CACNB1: variants seen among roughly 807,000 people sequenced by gnomAD.
CACNB1 encodes voltage-dependent L-type calcium channel subunit beta-1.
A neutral mutation model predicts 71.6 loss-of-function variants in CACNB1; 29 were observed. The ratio of observed to expected loss-of-function variants is 0.40; its 90% CI spans 0.30 to 0.55. CACNB1 has a LOEUF of 0.55. Among genes scored for constraint, CACNB1 ranks in the 20% least tolerant of loss-of-function variants. The probability of loss-of-function intolerance (pLI) is 0.38; values close to 1 mark genes in which losing one functional copy is unlikely to be tolerated. For synonymous variants in CACNB1, 300 were observed against 319.6 expected, an observed-to-expected ratio of 0.94 and a Z score of 0.65; for missense variants, 623 against 801.8, an observed-to-expected ratio of 0.78 and a Z score of 2.69.
At chr17:39,183,368 G>GAAGAAGAAGAAGAAGAAGAAGAAGAAGA (rs1433401577) in intron 11 of CACNB1, among the ~76,000 whole-genome samples, 1 of 143,766 alleles carries the variant, frequency 7.0e-6, no homozygotes, top group Non-Finnish European at 1.5e-5. Flanking sequence ...GAAGAAGAAA[G>GAAGAAGAAGAAGAAGAAGAAGAAGAAGA]GAAAGACCTC....
At chr17:39,180,053 T>C (rs1175867287) in intron 11 of CACNB1, among the ~76,000 whole-genome samples, 1 of 151,092 alleles carries the variant, frequency 6.6e-6, no homozygotes, top group East Asian at 2.0e-4. Flanking sequence ...TCACCTGAGG[T>C]CAGGAGTTCG....
rs2144181554 is a variant in CACNB1, at chr17:39,194,411, A to G, written c.171+473T>C. ...CACCCTTTCTCTGTGCTTCTTAGAC[A>G]GTCATGTCTCGAGGTGAGGAGCGTG... is the stretch of plus-strand genomic sequence containing the variant. On this transcript the variant is annotated intron_variant, in intron 2 of 13. Transcript: ENST00000394303. The surrounding 1 kb of genome is among the most constrained non-coding windows in gnomAD (Gnocchi z 4.6). Among the ~76,000 whole-genome samples, 1 of 152,134 alleles carries G rather than the reference A, an allele frequency of 6.6e-6. No individual in the cohort carries two copies. Among genetic ancestry groups the G allele is most frequent in the East Asian group, 1.9e-4 (1 of 5,178 alleles).
intron 3 of CACNB1, among the ~76,000 whole-genome samples, chr17:39,188,447 T>C (rs957817731): frequency 2.0e-5 from 3 of 152,058 alleles, no homozygotes; most frequent in African/African-American, 4.8e-5. Context: ...CAGTGGCAGA[T>C]GCCTGTAATC....
chr17:39,176,796 G>C (rs1459371178), intron 13 of CACNB1, among the ~76,000 whole-genome samples: 1 of 152,130 alleles, frequency 6.6e-6, no homozygotes, highest in South Asian at 2.1e-4. Context: ...ACTTTAACTG[G>C]GAGAATGGTG....
In CACNB1 at chr17:39,174,896, CT is replaced by C; in HGVS notation, c.*296del. 2.6e-6 allele frequency: 1 copy of C among 390,208 alleles called. No homozygotes were observed. The highest frequency in any genetic ancestry group is 4.6e-6 in the Non-Finnish European group (1 of 215,400). The allele number at this position is 390,208 out of a possible 1,614,324, so 24.2% of individuals were successfully genotyped here. On this transcript the variant is annotated 3_prime_UTR_variant, in exon 14 of 14. Transcript: ENST00000394303. ...AGTAGAAAGAGTTAAGGAAGTGCACCTTTTCTCTAGGAGGGTGAGGGAGGAG... is the reference window on the plus strand; with the variant it reads ...AGTAGAAAGAGTTAAGGAAGTGCACCTTTCTCTAGGAGGGTGAGGGAGGAG...
At position 39,184,255 on chromosome 17, in the gene CACNB1, C is replaced by A. The variant is rs11867859; in HGVS notation, c.788+70G>T. The A allele has an allele frequency of 3.6e-5, 47 of 1,302,148 alleles. 1 individual carries two copies. The Middle Eastern group carries it at 1.8e-3, about 50-fold the overall frequency. 80.7% of individuals were successfully genotyped at this position (1,302,148 alleles called of 1,614,324 possible). ...CAGTCCGAGTCCCAGGATTGTGATT[C>A]GAGGCATCCTGCCCATCCCCAGCAG... On this transcript the variant is annotated intron_variant, in intron 9 of 13. Coordinates refer to ENST00000394303, the MANE Select transcript of CACNB1 (RefSeq NM_000723.5).
Position 39,175,939 on chromosome 17 carries a change from G to A in CACNB1, c.1333-282C>T, listed in dbSNP as rs942368117. ...TATGGCCAACAGCCGTGAGCCATGA[G>A]TCACCGCTTCCTCAGTGCAGGTCAT... is the stretch of plus-strand genomic sequence containing the variant. On this transcript the variant is annotated intron_variant, in intron 13 of 13. Transcript: ENST00000394303. This position sits in a 1 kb window ranked among gnomAD's most constrained non-coding sequence, Gnocchi z 4.7. Among the ~76,000 whole-genome samples the A allele has an allele frequency of 6.6e-6, 1 of 152,218 alleles. No homozygotes were observed. The highest frequency in any genetic ancestry group is 6.5e-5 in the Admixed American group (1 of 15,288).
intron 4 of CACNB1, 92 bp from the exon 5 acceptor site, chr17:39,187,021 A>G: frequency 7.1e-7 from 1 of 1,403,484 alleles, no homozygotes; most frequent in Non-Finnish European, 9.9e-7. Flanking sequence ...GCCCAGACTC[A>G]CCTCCCAGCC....
chr17:39,193,520 G>A (rs745362688), intron 2 of CACNB1: 12 of 438,696 alleles, frequency 2.7e-5, no homozygotes, highest in South Asian at 1.6e-4. Context: ...CTAGGGGGTG[G>A]CCCAAACTGC....
intron 11 of CACNB1, among the ~76,000 whole-genome samples, chr17:39,183,381 A>G (rs899495264): frequency 1.3e-5 from 2 of 152,056 alleles, no homozygotes; most frequent in Admixed American, 6.6e-5. Context: ...AAGACCTCCC[A>G]ACTGCCAAGT....
In CACNB1 at chr17:39,175,336, C is replaced by T. The variant is rs2045549682; in HGVS notation, c.1654G>A (p.Glu552Lys). ...PARQGSWEDE[E>K]EDYEEELTDN... is the part of the protein sequence containing the mutation. The stretch of plus-strand genomic sequence containing the variant: ...GTCAGCTCTTCCTCATAGTCTTCTT[C>T]CTCGTCCTCCCAGGATCCCTGTCGG... Residue 552 changes from glutamate (E) to lysine (K), a missense_variant, in exon 14 of 14, where the codon GAA becomes AAA. Transcript: ENST00000394303. The surrounding 1 kb of genome is among the most constrained non-coding windows in gnomAD (Gnocchi z 4.7). 2.5e-6 allele frequency: 4 copies of T among 1,614,210 alleles called. No homozygotes were observed. Among genetic ancestry groups the T allele is most frequent in the African/African-American group, 2.7e-5 (2 of 75,070 alleles).
At chr17:39,190,489 G>A (rs2046048085) in intron 3 of CACNB1, among the ~76,000 whole-genome samples, 2 of 152,182 alleles carry the variant, frequency 1.3e-5, no homozygotes, top group African/African-American at 2.4e-5. Flanking sequence ...GTGCAGTGGT[G>A]CGATCTCAGC....
chr17:39,186,116 A>G lies in CACNB1; in HGVS notation c.628+380T>C, dbSNP rs755667535. The G allele has an allele frequency of 6.2e-7, 1 of 1,612,652 alleles. No individual in the cohort carries two copies. On this transcript the variant is annotated intron_variant, in intron 6 of 13. Coordinates refer to ENST00000394303, the MANE Select transcript of CACNB1 (RefSeq NM_000723.5). This position sits in a 1 kb window ranked among gnomAD's most constrained non-coding sequence, Gnocchi z 4.1. ...AGTCATTTCATTACCTGGACCGGAG[A>G]GTCAGGAGAGAGGGAGGAGGGAGGC...
intron 10 of CACNB1, 73 bp downstream of exon 10, chr17:39,183,958 T>TACCTCCCAC (rs1180013691): frequency 2.5e-5 from 38 of 1,547,664 alleles, no homozygotes; most frequent in Non-Finnish European, 1.2e-5. Flanking sequence ...CCCTGCCCAC[T>TACCTCCCAC]ACCTCCCACA....
chr17:39,175,273 A>G lies in CACNB1; in HGVS notation c.1717T>C (p.Cys573Arg), dbSNP rs940653293. 5 of 1,613,984 alleles carry G rather than the reference A, an allele frequency of 3.1e-6. No homozygotes were observed. The Admixed American group carries it at 6.7e-5, about 22-fold the overall frequency. Reference protein sequence around the residue: ...RNRGRNKARYCAEGGGPVLGR... With the variant: ...RNRGRNKARYRAEGGGPVLGR... The stretch of plus-strand genomic sequence containing the variant: ...AAAACTGGACCCCCACCCTCAGCGC[A>G]GTAGCGGGCCTTATTCCGGCCCCGG... The change falls in exon 14 of 14, where the codon TGC (cysteine) becomes CGC (arginine). Residue 573 changes from cysteine to arginine, a missense_variant. Transcript: ENST00000394303. The surrounding 1 kb of genome is among the most constrained non-coding windows in gnomAD (Gnocchi z 4.7).
intron 11 of CACNB1, among the ~76,000 whole-genome samples, chr17:39,179,589 AAAAGAAAG>A (rs984507016): frequency 2.0e-5 from 3 of 149,972 alleles, no homozygotes; most frequent in East Asian, 2.0e-4. Context: ...AAAAAAAAAA[AAAAGAAAG>A]AAAGAAAGAA....
chr17:39,185,991 T>C, intron 6 of CACNB1: 1 of 1,612,838 alleles, frequency 6.2e-7, no homozygotes, highest in Non-Finnish European at 8.5e-7. Flanking sequence ...GGTGGCGGGG[T>C]GGTGACACTG....
At chr17:39,176,595 C>T (rs1295936083) in intron 13 of CACNB1, among the ~76,000 whole-genome samples, 3 of 152,158 alleles carry the variant, frequency 2.0e-5, no homozygotes, top group East Asian at 1.9e-4. Context: ...TCAGCTTCCA[C>T]GTAAGATTCA....
chr17:39,187,874 G>A (rs1056139918), intron 3 of CACNB1, among the ~76,000 whole-genome samples: 6 of 152,056 alleles, frequency 3.9e-5, no homozygotes, highest in African/African-American at 4.8e-5. Flanking sequence ...TTAGCCAGGC[G>A]TGGTGGTGGG....
Sources: gnomAD v4.1 joint callset for allele counts (sites outside exome capture counted in the v4.1 genomes callset) on GRCh38, gnomAD v4.1.1 for gene constraint, Gnocchi (gnomAD v3.1) non-coding constraint, MANE v1.5 for transcripts, NCBI Gene and HGNC (gene_info 2026-07-23, HGNC 2026-07-21) for gene names.